RIPOR2: variants seen among roughly 807,000 people sequenced by gnomAD.
RIPOR2 encodes RHO family interacting cell polarization regulator 2.
Under a neutral mutation model 114.5 loss-of-function variants are expected in RIPOR2, and 39 were observed. The observed-to-expected ratio is 0.34, with a 90% CI of 0.26 to 0.44. RIPOR2 has a LOEUF of 0.44. Among genes scored for constraint, RIPOR2 ranks in the 20% least tolerant of loss-of-function variants. The probability of loss-of-function intolerance (pLI) is 1.00; values close to 1 mark genes in which losing one functional copy is unlikely to be tolerated. For synonymous variants in RIPOR2, 445 were observed against 484.4 expected, an observed-to-expected ratio of 0.92 and a Z score of 1.07; for missense variants, 1,007 against 1,255.1, an observed-to-expected ratio of 0.80 and a Z score of 2.99.
chr6:24,821,119 C>T (rs1183350467), intron 19 of RIPOR2, among the ~76,000 whole-genome samples: 1 of 151,616 alleles, frequency 6.6e-6, no homozygotes, highest in African/African-American at 2.4e-5. Flanking sequence ...ATGATCTGCC[C>T]TCCTCAGCCT....
Position 24,835,801 on chromosome 6 carries a change from T to C in RIPOR2, c.2110A>G (p.Thr704Ala). The C allele has an allele frequency of 6.4e-7, 1 of 1,551,528 alleles. No homozygotes were observed. The highest frequency in any genetic ancestry group is 8.7e-7 in the Non-Finnish European group (1 of 1,146,932). Residue 704 changes from threonine to alanine, a missense_variant, in exon 15 of 22, where the codon ACC becomes GCC. By Grantham distance (58) the Thr-to-Ala change is moderately conservative. Coordinates refer to ENST00000643898, the MANE Select transcript of RIPOR2 (RefSeq NM_001286445.3). The part of the protein sequence containing the change: ...EALTEDTGVG[T>A]SVAGSPLPLT... The stretch of plus-strand genomic sequence containing the variant: ...GGGAGAGGACTTCCTGCCACACTGG[T>C]CCCAACTCCTGTGTCTTCAGTGAGC...
chr6:24,852,531 C>A, intron 9 of RIPOR2, 44 bp downstream of exon 9: 1 of 1,469,540 alleles, frequency 6.8e-7, no homozygotes, highest in South Asian at 1.1e-5. Context: ...GGCCCCTACC[C>A]TTCAGGTCCA....
intron 1 of RIPOR2, among the ~76,000 whole-genome samples, chr6:25,041,576 TAAAG>T (rs1428151035): frequency 1.3e-5 from 2 of 152,122 alleles, no homozygotes; most frequent in East Asian, 3.8e-4. Flanking sequence ...GTTGGAGAAA[TAAAG>T]AAAAGAGGCC....
At chr6:24,891,159 G>A (rs996159818) in intron 1 of RIPOR2, among the ~76,000 whole-genome samples, 5 of 152,152 alleles carry the variant, frequency 3.3e-5, no homozygotes, top group South Asian at 2.1e-4. Flanking sequence ...CGTGTGTGCC[G>A]TCATATGCCA....
chr6:25,026,042 G>GTTTTT (rs201831119), intron 1 of RIPOR2, among the ~76,000 whole-genome samples: 1 of 146,926 alleles, frequency 6.8e-6, no homozygotes, highest in African/African-American at 2.6e-5. Flanking sequence ...TACAAAGATT[G>GTTTTT]TTGTTTTTTT....
intron 1 of RIPOR2, among the ~76,000 whole-genome samples, chr6:24,960,299 G>T (rs1270196383): frequency 6.6e-6 from 1 of 152,176 alleles, no homozygotes. Flanking sequence ...TTAGGTGTCT[G>T]CTGAGGGCCT....
upstream of RIPOR2, among the ~76,000 whole-genome samples, chr6:24,937,272 C>T (rs1771865990): frequency 6.6e-6 from 1 of 152,112 alleles, no homozygotes; most frequent in Non-Finnish European, 1.5e-5. Flanking sequence ...TTTTGGGTGG[C>T]ACAATGACTG....
chr6:24,875,595 G>T, intron 2 of RIPOR2, 96 bp downstream of exon 2: 2 of 1,253,822 alleles, frequency 1.6e-6, no homozygotes, highest in Non-Finnish European at 2.2e-6. Flanking sequence ...CCGGGGGGCG[G>T]TTTGACAAGG....
chr6:24,976,567 A>G, intron 1 of RIPOR2: 1 of 1,597,276 alleles, frequency 6.3e-7, no homozygotes. Flanking sequence ...GTTTGCAGAC[A>G]AGGTCCCAAA....
At chr6:24,820,869 C>CTTTTTTTTTTTTTTTTT (rs34770819) in intron 19 of RIPOR2, among the ~76,000 whole-genome samples, 1 of 84,064 alleles carries the variant, frequency 1.2e-5, no homozygotes, top group Non-Finnish European at 2.2e-5. Flanking sequence ...GTTTAACACT[C>CTTTTTTTTTTTTTTTTT]TTTTTTTTTT....
Position 24,876,062 on chromosome 6 carries a change from A to G in RIPOR2, c.62-245T>C, listed in dbSNP as rs2817751. ...TCCCAGCACTTTGGGAGGCCGAGGC[A>G]GGTGGATCACCTGAAGTCAGGAGTT... is the stretch of plus-strand genomic sequence containing the variant. On this transcript the variant is annotated intron_variant, in intron 1 of 21. Coordinates refer to ENST00000643898, the MANE Select transcript of RIPOR2 (RefSeq NM_001286445.3). 0.34 allele frequency among the ~76,000 whole-genome samples: 50,995 copies of G among 151,900 alleles called. 9,888 individuals carry two copies. The highest frequency in any genetic ancestry group is 0.54 in the African/African-American group (22,407 of 41,390).
At chr6:24,974,049 C>T (rs539070882) in intron 1 of RIPOR2, among the ~76,000 whole-genome samples, 18 of 152,272 alleles carry the variant, frequency 1.2e-4, no homozygotes, top group African/African-American at 4.1e-4. Context: ...CTCAGCATTA[C>T]ACAATATACT....
At chr6:24,983,362 A>G (rs972419844) in intron 1 of RIPOR2, among the ~76,000 whole-genome samples, 3 of 152,158 alleles carry the variant, frequency 2.0e-5, no homozygotes, top group African/African-American at 7.2e-5. Context: ...GTGTATACAC[A>G]AGGCAAGTAT....
chr6:24,895,705 C>A (rs1221346060), intron 1 of RIPOR2, among the ~76,000 whole-genome samples: 4 of 152,276 alleles, frequency 2.6e-5, no homozygotes, highest in Admixed American at 1.3e-4. Context: ...AAAAGAACTT[C>A]TTCGGCCGGG....
intron 21 of RIPOR2, among the ~76,000 whole-genome samples, chr6:24,808,713 A>G (rs1780932072): frequency 6.6e-6 from 1 of 150,784 alleles, no homozygotes; most frequent in South Asian, 2.1e-4. Context: ...ATACTTTAAG[A>G]TTGTGTTGTT....
intron 1 of RIPOR2, among the ~76,000 whole-genome samples, chr6:24,878,404 C>T (rs1384565120): frequency 6.6e-6 from 1 of 152,118 alleles, no homozygotes; most frequent in African/African-American, 2.4e-5. Flanking sequence ...CAAGCACCCA[C>T]CTTAATGTCT....
intron 18 of RIPOR2, among the ~76,000 whole-genome samples, chr6:24,827,614 G>T (rs951389905): frequency 1.3e-5 from 2 of 152,222 alleles, no homozygotes; most frequent in African/African-American, 2.4e-5. Flanking sequence ...TCTCTGAAGG[G>T]CCGTGTGGAA....
At position 24,805,919 on chromosome 6, in the gene RIPOR2, A is replaced by C; in HGVS notation, c.*454T>G. 6.3e-6 allele frequency: 1 copy of C among 159,522 alleles called. No homozygotes were observed. Among genetic ancestry groups the C allele is most frequent in the Non-Finnish European group, 1.4e-5 (1 of 73,388 alleles). 9.9% of individuals were successfully genotyped at this position (159,522 alleles called of 1,614,324 possible). ...TAGGTACTGTGAAACGAGACTCTGA[A>C]TTCTTTCTATAACATGTTTTTTTAG... is the stretch of plus-strand genomic sequence containing the variant. On this transcript the variant is annotated 3_prime_UTR_variant, in exon 22 of 22. Coordinates refer to ENST00000643898, the MANE Select transcript of RIPOR2 (RefSeq NM_001286445.3).
intron 1 of RIPOR2, among the ~76,000 whole-genome samples, chr6:24,943,731 CA>C (rs1272189742): frequency 1.3e-5 from 2 of 152,056 alleles, no homozygotes; most frequent in African/African-American, 4.8e-5. Context: ...CCTGCAATCA[CA>C]GTGAAAATCA....
Sources: gnomAD v4.1 joint callset for allele counts (sites outside exome capture counted in the v4.1 genomes callset) on GRCh38, gnomAD v4.1.1 for gene constraint, MANE v1.5 for transcripts, NCBI Gene and HGNC (gene_info 2026-07-23, HGNC 2026-07-21) for gene names.